GPLD1: variants seen among roughly 807,000 people sequenced by gnomAD.
GPLD1 encodes the protein phosphatidylinositol-glycan-specific phospholipase D.
In GPLD1, 84 loss-of-function variants were observed where a neutral mutation model predicts 112.6. The ratio of observed to expected loss-of-function variants is 0.75; its 90% CI spans 0.63 to 0.89. The LOEUF is 0.89. Among genes scored for constraint, GPLD1 ranks in the 40% least tolerant of loss-of-function variants. The probability of loss-of-function intolerance (pLI) is 0.00; values close to 1 mark genes in which losing one functional copy is unlikely to be tolerated. For missense variants in GPLD1, 1,044 were observed against 1,051.5 expected (o/e 0.99, Z 0.10); for synonymous variants, 386 against 403.8 (o/e 0.96, Z 0.53).
intron 20 of GPLD1, among the ~76,000 whole-genome samples, chr6:24,437,865 T>C: frequency 6.6e-6 from 1 of 152,174 alleles, no homozygotes; most frequent in South Asian, 2.1e-4. Flanking sequence ...TTGGCTCAGG[T>C]GTCCCCTCCT....
chr6:24,448,307 T>G, intron 15 of GPLD1, 99 bp from the exon 16 acceptor site: 1 of 765,376 alleles, frequency 1.3e-6, no homozygotes, highest in Non-Finnish European at 2.2e-6. Flanking sequence ...GGTCCAGGTA[T>G]GGTGGCTGAT....
chr6:24,460,496 A>G, intron 11 of GPLD1, 97 bp from the exon 12 acceptor site: 3 of 1,290,070 alleles, frequency 2.3e-6, no homozygotes, highest in Non-Finnish European at 3.2e-6. Context: ...CACAGGTTAA[A>G]AGACCACAAA....
chr6:24,459,239 T>C (rs1454578995), intron 12 of GPLD1, among the ~76,000 whole-genome samples: 4 of 141,574 alleles, frequency 2.8e-5, no homozygotes, highest in African/African-American at 1.2e-4. Flanking sequence ...GTGAAGCTTT[T>C]CTCCCTGCTA....
At chr6:24,436,875 C>A (rs1309705989) in intron 21 of GPLD1, 139 bp from the exon 22 acceptor site, 1 of 891,308 alleles carries the variant, frequency 1.1e-6, no homozygotes. Context: ...TTCATCCTGG[C>A]AAAGGCTTTT....
chr6:24,484,999 A>G (rs1764323345), intron 2 of GPLD1, among the ~76,000 whole-genome samples: 1 of 152,264 alleles, frequency 6.6e-6, no homozygotes, highest in African/African-American at 2.4e-5. Flanking sequence ...TTATTTAGCC[A>G]TAGAACAAAT....
chr6:24,472,881 T>C (rs1763871887), intron 6 of GPLD1, among the ~76,000 whole-genome samples: 1 of 151,940 alleles, frequency 6.6e-6, no homozygotes, highest in Non-Finnish European at 1.5e-5. Flanking sequence ...GTTCAAGCAA[T>C]TCTCCTGCCT....
intron 1 of GPLD1, among the ~76,000 whole-genome samples, chr6:24,488,411 CA>C (rs11304420): frequency 0.52 from 69,908 of 135,288 alleles, 16,821 homozygotes; most frequent in East Asian, 0.62. Flanking sequence ...GACTCCGTCT[CA>C]AAAAAAAAAA....
chr6:24,466,569 G>T, intron 10 of GPLD1, 111 bp downstream of exon 10: 1 of 752,596 alleles, frequency 1.3e-6, no homozygotes, highest in Non-Finnish European at 2.2e-6. Flanking sequence ...CACTTCATGA[G>T]ATTGTTTTGT....
chr6:24,433,430 T>C, intron 22 of GPLD1, 41 bp from the exon 23 acceptor site: 4 of 1,395,464 alleles, frequency 2.9e-6, no homozygotes, highest in Non-Finnish European at 3.0e-6. Context: ...GTTATTACTG[T>C]TTGTGTGGCT....
intron 7 of GPLD1, among the ~76,000 whole-genome samples, chr6:24,469,177 G>C (rs1274960388): frequency 2.0e-5 from 3 of 151,672 alleles, no homozygotes; most frequent in African/African-American, 4.8e-5. Flanking sequence ...TACACTGTTG[G>C]TGGGACTGTA....
In GPLD1 at chr6:24,472,571, A is replaced by G. The variant is rs1193897600; in HGVS notation, c.545+11T>C. On this transcript the variant is annotated intron_variant, in intron 7 of 24. Transcript: ENST00000230036. ...TTAGATACCACATATTTAGATGTAC[A>G]TTGCTCTTACCAGCGTCGTGCAAGG... is the stretch of plus-strand genomic sequence containing the variant. The G allele has an allele frequency of 2.0e-6, 3 of 1,529,400 alleles. No homozygotes were observed. The highest frequency in any genetic ancestry group is 2.7e-6 in the Non-Finnish European group (3 of 1,103,022). The allele number at this position is 1,529,400 out of a possible 1,614,324, so 94.7% of individuals were successfully genotyped here.
chr6:24,476,129 T>C (rs1043895400), intron 4 of GPLD1, 52 bp downstream of exon 4: 6 of 978,120 alleles, frequency 6.1e-6, no homozygotes, highest in Admixed American at 6.0e-5. Flanking sequence ...GCAAACACAG[T>C]GCATGGCAGG....
intron 17 of GPLD1, among the ~76,000 whole-genome samples, chr6:24,447,229 G>T (rs111741900): frequency 6.6e-6 from 1 of 152,188 alleles, no homozygotes; most frequent in Non-Finnish European, 1.5e-5. Context: ...CTCTGGGCCA[G>T]GTGCGGTGGC....
intron 18 of GPLD1, 123 bp downstream of exon 18, chr6:24,446,715 G>A: frequency 1.1e-6 from 1 of 907,234 alleles, no homozygotes; most frequent in Non-Finnish European, 1.6e-6. Flanking sequence ...CAGAGCCTTG[G>A]CTTTTCCTTC....
At chr6:24,458,511 C>T (rs1220292369) in intron 12 of GPLD1, among the ~76,000 whole-genome samples, 4 of 6,540 alleles carry the variant, frequency 6.1e-4, no homozygotes, top group Non-Finnish European at 5.5e-4. Context: ...GATAGAGGTT[C>T]CCCTCCCCGG....
intron 12 of GPLD1, among the ~76,000 whole-genome samples, chr6:24,456,838 T>C (rs2127345573): frequency 6.6e-6 from 1 of 152,180 alleles, no homozygotes; most frequent in Non-Finnish European, 1.5e-5. Flanking sequence ...ACCCCCAAAT[T>C]ATGCTGAGGG....
At chr6:24,474,641 G>T (rs1050916146) in intron 5 of GPLD1, among the ~76,000 whole-genome samples, 6 of 152,076 alleles carry the variant, frequency 3.9e-5, no homozygotes, top group African/African-American at 1.4e-4. Flanking sequence ...TTGGCAAGAA[G>T]AATAAAAGGA....
chr6:24,453,702 G>GTGTA (rs1425464676), intron 14 of GPLD1, among the ~76,000 whole-genome samples: 1 of 76,372 alleles, frequency 1.3e-5, no homozygotes, highest in Non-Finnish European at 3.9e-5. Flanking sequence ...TACATTTCGT[G>GTGTA]TGTGTGTGTG....
upstream of GPLD1, among the ~76,000 whole-genome samples, chr6:24,494,424 C>A (rs1764635620): frequency 6.6e-6 from 1 of 152,130 alleles, no homozygotes; most frequent in Non-Finnish European, 1.5e-5. Context: ...AAAAAAGCAG[C>A]CAGGCAGCAG....
Sources: gnomAD v4.1 joint callset for allele counts (sites outside exome capture counted in the v4.1 genomes callset) on GRCh38, gnomAD v4.1.1 for gene constraint, MANE v1.5 for transcripts, NCBI Gene and HGNC (gene_info 2026-07-23, HGNC 2026-07-21) for gene names.